Variants in AZIN2 observed in about 807,000 individuals in gnomAD.
AZIN2 encodes the protein antizyme inhibitor 2, also known as ODC antizyme inhibitor-2.
AZIN2 carries 28 observed loss-of-function variants against 47.8 expected under a neutral mutation model. That is an observed-to-expected ratio of 0.59 (90% CI 0.43 to 0.80). The LOEUF is 0.80. Ranked by LOEUF, AZIN2 falls within the 30% of genes least tolerant of loss-of-function variation. The pLI is 0.00. For missense variants in AZIN2, 535 were observed against 582.5 expected (o/e 0.92, Z 0.84); for synonymous variants, 221 against 239.4 (o/e 0.92, Z 0.71).
At chr1:33,111,873 G>A (rs913984412) in intron 10 of AZIN2, among the ~76,000 whole-genome samples, 3 of 152,106 alleles carry the variant, frequency 2.0e-5, no homozygotes, top group African/African-American at 7.2e-5. Context: ...AAAGTGCTGG[G>A]ATTACAGGCG....
Position 33,094,552 on chromosome 1 carries a change from C to T in AZIN2, c.592C>T (p.His198Tyr). 6.2e-7 allele frequency: 1 copy of T among 1,608,566 alleles called. No homozygotes were observed. Among genetic ancestry groups the T allele is most frequent in the Non-Finnish European group, 8.5e-7 (1 of 1,175,414 alleles). ...AGGCTCTTCCTCTCTTCCCAGTTTTCACATTGGCAGTGGCTGTCCTGACCC... is the reference window on the plus strand; with the variant it reads ...AGGCTCTTCCTCTCTTCCCAGTTTTTACATTGGCAGTGGCTGTCCTGACCC... Reference protein sequence around the residue: ...HHVEVVGVSFHIGSGCPDPQA... With the variant: ...HHVEVVGVSFYIGSGCPDPQA... The change falls in exon 8 of 12, where the codon CAC (histidine) becomes TAC (tyrosine). Residue 198 changes from histidine to tyrosine, a missense_variant. By Grantham distance (83) the His-to-Tyr change is moderately conservative (BLOSUM62 2). Around this residue, in one of 3 missense-constraint regions of AZIN2, gnomAD observed 409 missense variants for 429.0 expected, o/e 0.95. Coordinates refer to ENST00000294517, the MANE Select transcript of AZIN2 (RefSeq NM_052998.4).
chr1:33,147,381 G>A, the AZIN2 span: 6 of 1,614,032 alleles, frequency 3.7e-6, no homozygotes, highest in East Asian at 2.2e-5. The surrounding 1 kb of genome is among the most constrained non-coding windows in gnomAD (Gnocchi z 8.1). Flanking sequence ...TGTCCCGGAC[G>A]TTAAGCCGCG....
At chr1:33,130,346 A>G in the AZIN2 span, among the ~76,000 whole-genome samples, 2 of 152,116 alleles carry the variant, frequency 1.3e-5, no homozygotes, top group African/African-American at 4.8e-5. Context: ...ACGGGTTGTC[A>G]TTTCTGAGAT....
chr1:33,085,843 A>G (rs940813516), intron 5 of AZIN2, among the ~76,000 whole-genome samples: 1 of 152,170 alleles, frequency 6.6e-6, no homozygotes, highest in Non-Finnish European at 1.5e-5. Flanking sequence ...TCTACAGTTG[A>G]GGAAACCATG....
At chr1:33,089,935 C>A (rs766342886) in intron 5 of AZIN2, among the ~76,000 whole-genome samples, 1 of 152,128 alleles carries the variant, frequency 6.6e-6, no homozygotes, top group Admixed American at 6.5e-5. Flanking sequence ...GACTTGAGTT[C>A]GAAAGTTCGT....
chr1:33,097,891 C>G (rs1643323240), intron 9 of AZIN2, 176 bp from the exon 10 acceptor site: 1 of 612,654 alleles, frequency 1.6e-6, no homozygotes, highest in African/African-American at 1.9e-5. Context: ...CCTAACACGG[C>G]AGTGAACCCA....
At chr1:33,107,233 G>A (rs1312350024) in intron 10 of AZIN2, among the ~76,000 whole-genome samples, 3 of 151,772 alleles carry the variant, frequency 2.0e-5, no homozygotes, top group East Asian at 3.9e-4. Context: ...GTAGTGAGCC[G>A]AGATCATGCC....
chr1:33,092,042 C>T lies in AZIN2; in HGVS notation c.280-8C>T, dbSNP rs1387555695. On this transcript the variant is annotated splice_polypyrimidine_tract_variant and splice_region_variant and intron_variant, in intron 5 of 11. Transcript: ENST00000294517. ...TGCCTCCTTACAACCACCTTTGGGG[C>T]CCCATAGGCAGAGATGGAGTTGGTC... 1 of 1,611,472 alleles carries T rather than the reference C, an allele frequency of 6.2e-7. No homozygotes were observed. Among genetic ancestry groups the T allele is most frequent in the Admixed American group, 1.7e-5 (1 of 59,780 alleles).
the AZIN2 span, chr1:33,158,154 C>T: frequency 2.8e-6 from 3 of 1,089,884 alleles, no homozygotes; most frequent in African/African-American, 3.1e-5. Context: ...GCACTCTGCT[C>T]ATTCACCCCA....
the AZIN2 span, among the ~76,000 whole-genome samples, chr1:33,156,368 A>G: frequency 6.6e-6 from 1 of 152,162 alleles, no homozygotes; most frequent in Non-Finnish European, 1.5e-5. Flanking sequence ...GCTCTCATCA[A>G]GGCCACCAAT....
At chr1:33,125,468 C>G (rs1322596041), downstream of AZIN2, among the ~76,000 whole-genome samples, 1 of 152,234 alleles carries the variant, frequency 6.6e-6, no homozygotes, top group Non-Finnish European at 1.5e-5. Context: ...TGACTTCTTT[C>G]TTGCCTCCAA....
At position 33,093,401 on chromosome 1, in the gene AZIN2, A is replaced by AGGTGGTGGGTGTGAGGTGAGCACTGGG. The variant is rs1281819540; in HGVS notation, c.573_587+12dup. ...GAAAATGCGAAGAAGCACCATGTGG[A>AGGTGGTGGGTGTGAGGTGAGCACTGGG]GGTGGTGGGTGTGAGGTGAGCACTG... On this transcript the variant is annotated stop_gained and inframe_insertion, in exon 7 of 12. Coordinates refer to ENST00000294517, the MANE Select transcript of AZIN2 (RefSeq NM_052998.4). LOFTEE classifies it high-confidence loss of function. 1.9e-6 allele frequency: 3 copies of AGGTGGTGGGTGTGAGGTGAGCACTGGG among 1,613,884 alleles called. No individual in the cohort carries two copies. The highest frequency in any genetic ancestry group is 1.7e-4 in the Middle Eastern group (1 of 6,056).
At chr1:33,089,613 C>T (rs189299976) in intron 5 of AZIN2, among the ~76,000 whole-genome samples, 63 of 152,330 alleles carry the variant, frequency 4.1e-4, no homozygotes, top group African/African-American at 1.5e-3. Flanking sequence ...GGGAAGCAAG[C>T]TGTGGTGGCA....
chr1:33,120,909 T>C lies in AZIN2; in HGVS notation c.*727T>C, dbSNP rs909026666. On this transcript the variant is annotated 3_prime_UTR_variant, in exon 12 of 12. Coordinates refer to ENST00000294517, the MANE Select transcript of AZIN2 (RefSeq NM_052998.4). ...CCAAGAAATGGGTGTGTGGGAGGTTTTGAGTGGACCCTGCACCCTTGCTCT... is the reference window on the plus strand; with the variant it reads ...CCAAGAAATGGGTGTGTGGGAGGTTCTGAGTGGACCCTGCACCCTTGCTCT... 3.9e-5 allele frequency among the ~76,000 whole-genome samples: 6 copies of C among 152,136 alleles called. No individual in the cohort carries two copies. The highest frequency in any genetic ancestry group is 1.4e-4 in the African/African-American group (6 of 41,426).
the AZIN2 span, among the ~76,000 whole-genome samples, chr1:33,139,901 C>A: frequency 6.6e-6 from 1 of 152,182 alleles, no homozygotes; most frequent in South Asian, 2.1e-4. Flanking sequence ...CTTTCCTCTG[C>A]TGCTTGTCAG....
chr1:33,122,047 G>A lies in AZIN2; in HGVS notation c.*1865G>A, dbSNP rs1160737467. Among the ~76,000 whole-genome samples the A allele has an allele frequency of 3.3e-5, 5 of 152,274 alleles. No individual in the cohort carries two copies. Among genetic ancestry groups the A allele is most frequent in the Admixed American group, 6.5e-5 (1 of 15,300 alleles). ...TCAGAAAGGGTTACTCTACTACCCC[G>A]TGATCCATCAAAGCCACGATTTACA... On this transcript the variant is annotated 3_prime_UTR_variant, in exon 12 of 12. Coordinates refer to ENST00000294517, the MANE Select transcript of AZIN2 (RefSeq NM_052998.4).
the AZIN2 span, among the ~76,000 whole-genome samples, chr1:33,155,413 G>A: frequency 6.6e-6 from 1 of 151,984 alleles, no homozygotes; most frequent in Non-Finnish European, 1.5e-5. Flanking sequence ...TTTGATGTTT[G>A]TGGAACAGAA....
intron 4 of AZIN2, 99 bp from the exon 5 acceptor site, chr1:33,083,855 A>C: frequency 2.1e-6 from 3 of 1,428,914 alleles, no homozygotes; most frequent in Non-Finnish European, 2.9e-6. Flanking sequence ...CTCTGTGGCC[A>C]GTACTGAACC....
the AZIN2 span, among the ~76,000 whole-genome samples, chr1:33,156,057 C>G: frequency 6.6e-6 from 1 of 152,192 alleles, no homozygotes; most frequent in Non-Finnish European, 1.5e-5. Context: ...TCTCTGGGCT[C>G]CTGAAGATGA....
Sources: allele counts gnomAD v4.1 joint callset (sites outside exome capture counted in the v4.1 genomes callset), GRCh38; gene constraint gnomAD v4.1.1; regional missense constraint gnomAD v4.1.1; non-coding constraint Gnocchi (gnomAD v3.1); transcripts MANE v1.5; gene names NCBI Gene and HGNC (gene_info 2026-07-23, HGNC 2026-07-21).